Variants in ZDHHC11B observed in about 807,000 individuals in gnomAD.
The protein encoded by ZDHHC11B is zDHHC palmitoyltransferase 11B (putative).
Under a neutral mutation model 42.3 loss-of-function variants are expected in ZDHHC11B, and 17 were observed. The ratio of observed to expected loss-of-function variants is 0.40; its 90% confidence interval spans 0.27 to 0.60. ZDHHC11B has a LOEUF of 0.60. ZDHHC11B is among the 20% of genes least tolerant of loss of function. ZDHHC11B has a pLI of 0.41. For missense variants in ZDHHC11B, 262 were observed against 463.2 expected (o/e 0.57, Z 3.99); for synonymous variants, 123 against 193.5 (o/e 0.64, Z 3.02).
chr5:737,422 T>TA (rs376996664), intron 10 of ZDHHC11B, among the ~76,000 whole-genome samples: 3 of 149,462 alleles, frequency 2.0e-5, no homozygotes, highest in African/African-American at 7.4e-5. Context: ...TTACAAAAGA[T>TA]AAGAGGGAAT....
In ZDHHC11B at chr5:745,250, T is replaced by G. The variant is rs1412984585; in HGVS notation, c.833A>C (p.Glu278Ala). ...TFEYLINTRK[E>A]ESSKHQAVRK... ...CACTGCTTGATGTTTTGAACTCTCT[T>G]CTTTGCGGGTATTAATGAGATACTC... The change falls in exon 9 of 14, where the codon GAA (glutamate) becomes GCA (alanine). Residue 278 changes from glutamate (E) to alanine (A), a missense_variant. Glu to Ala is a moderately radical substitution (Grantham distance 107). Transcript: ENST00000508859. 1.1e-5 allele frequency: 17 copies of G among 1,609,170 alleles called. No homozygotes were observed. The highest frequency in any genetic ancestry group is 1.1e-5 in the Non-Finnish European group (13 of 1,178,040).
intron 1 of ZDHHC11B, among the ~76,000 whole-genome samples, chr5:774,908 G>A (rs1297434224): frequency 2.6e-5 from 4 of 151,974 alleles, no homozygotes; most frequent in Non-Finnish European, 5.9e-5. Context: ...GGGTGGCGCC[G>A]ACAGAGCCTA....
At chr5:758,990 A>C in intron 4 of ZDHHC11B, among the ~76,000 whole-genome samples, 1 of 151,878 alleles carries the variant, frequency 6.6e-6, no homozygotes, top group South Asian at 2.1e-4. Flanking sequence ...GAGCCCCGGG[A>C]TAGAGATGAC....
intron 4 of ZDHHC11B, among the ~76,000 whole-genome samples, chr5:765,617 A>C (rs1406072068): frequency 8.6e-5 from 13 of 151,964 alleles, no homozygotes; most frequent in Admixed American, 4.6e-4. Flanking sequence ...GTTCTCTTCC[A>C]CATTGTGGAA....
intron 4 of ZDHHC11B, among the ~76,000 whole-genome samples, chr5:763,523 A>T (rs1734897077): frequency 6.6e-6 from 1 of 151,820 alleles, no homozygotes; most frequent in Non-Finnish European, 1.5e-5. Context: ...TTGGGGAAAA[A>T]TCCAGCCAAG....
intron 4 of ZDHHC11B, among the ~76,000 whole-genome samples, chr5:766,449 C>A (rs1262406691): frequency 6.6e-6 from 1 of 151,906 alleles, no homozygotes; most frequent in Non-Finnish European, 1.5e-5. Flanking sequence ...AGTGGCTGCT[C>A]TGTCCACCCG....
At chr5:772,384 C>T (rs1213932622) in intron 1 of ZDHHC11B, among the ~76,000 whole-genome samples, 2 of 148,176 alleles carry the variant, frequency 1.3e-5, no homozygotes, top group African/African-American at 2.4e-5. Flanking sequence ...GTCAGACCAT[C>T]GCCGGATCTA....
rs193025929 is a variant in ZDHHC11B, at chr5:763,274, C to T, written c.222+3424G>A. ...GTCCCAGATACTCAGGAGGCTGGGA[C>T]GGGAGGATTGTTTGAACCCAGGAGG... On this transcript the variant is annotated intron_variant, in intron 4 of 13. Transcript: ENST00000508859. 3.9e-3 allele frequency among the ~76,000 whole-genome samples: 580 copies of T among 149,852 alleles called. 5 individuals are homozygous for T. Among genetic ancestry groups the T allele is most frequent in the Middle Eastern group, 0.014 (4 of 294 alleles).
At chr5:758,991 T>C (rs1262621508) in intron 4 of ZDHHC11B, among the ~76,000 whole-genome samples, 2 of 152,004 alleles carry the variant, frequency 1.3e-5, no homozygotes, top group South Asian at 2.1e-4. Context: ...AGCCCCGGGA[T>C]AGAGATGACA....
rs376324489 is a variant in ZDHHC11B, at chr5:745,209, C to T, written c.874G>A (p.Val292Met). ...TGGAGAAATCCTTTGTCCATTTGCA[C>T]GTATGGATCTTTCCTCACTGCTTGA... The part of the protein sequence containing the change: ...KHQAVRKDPY[V>M]QMDKGFLQQG... Residue 292 changes from valine (V) to methionine (M), a missense_variant, in exon 9 of 14, where the codon GTG becomes ATG. By Grantham distance (21) the Val-to-Met change is conservative. Coordinates refer to ENST00000508859, the MANE Select transcript of ZDHHC11B (RefSeq NM_001351303.2). The T allele has an allele frequency of 7.3e-5, 117 of 1,596,724 alleles. 1 individual carries two copies. In the East Asian group the frequency reaches 1.7e-3, roughly 23 times the overall value.
chr5:777,553 G>A (rs6896295), intron 1 of ZDHHC11B, among the ~76,000 whole-genome samples: 5 of 151,606 alleles, frequency 3.3e-5, no homozygotes, highest in South Asian at 2.1e-4. Context: ...GTCAGGTTGC[G>A]GCAGGGCGTT....
chr5:729,430 G>A (rs1337882053), intron 12 of ZDHHC11B, among the ~76,000 whole-genome samples: 1 of 150,632 alleles, frequency 6.6e-6, no homozygotes, highest in African/African-American at 2.4e-5. Flanking sequence ...CTTCCCCTGT[G>A]GGGCCGGCTG....
chr5:772,541 C>T (rs1315801803), intron 1 of ZDHHC11B, among the ~76,000 whole-genome samples: 8 of 148,034 alleles, frequency 5.4e-5, no homozygotes, highest in South Asian at 4.2e-4. Context: ...ACACCCCCTG[C>T]GGAGGTGCTT....
chr5:718,967 G>A (rs1579237471), intron 12 of ZDHHC11B, among the ~76,000 whole-genome samples: 1 of 151,828 alleles, frequency 6.6e-6, no homozygotes, highest in East Asian at 1.9e-4. Flanking sequence ...CTTGGCAGCA[G>A]TGGCTTCCTC....
rs1449043886 is a variant in ZDHHC11B, at chr5:714,460, G to A, written c.*8-2178C>T. ...CACAACTCTAAGACGTTATCACAGC[G>A]AACATTTGCTGTTTAAAACCTTAGT... On this transcript the variant is annotated intron_variant, in intron 13 of 13. Coordinates refer to ENST00000508859, the MANE Select transcript of ZDHHC11B (RefSeq NM_001351303.2). 5.6e-3 allele frequency among the ~76,000 whole-genome samples: 753 copies of A among 134,256 alleles called. 2 individuals carry two copies. Among genetic ancestry groups the A allele is most frequent in the African/African-American group, 0.01 (322 of 30,932 alleles). The allele number at this position is 134,256 out of a possible 152,430, so 88.1% of individuals were successfully genotyped here. A position where few individuals can be genotyped will look rare whatever the true frequency, so the allele number is the denominator to read the frequency against.
In ZDHHC11B at chr5:766,767, G is replaced by C. The variant is rs762369299; in HGVS notation, c.153C>G (p.Gly51=). Residue 51 remains glycine (G), a synonymous_variant, in exon 4 of 14, where the codon GGC becomes GGG. Coordinates refer to ENST00000508859, the MANE Select transcript of ZDHHC11B (RefSeq NM_001351303.2). The part of the protein sequence containing the change: ...FRVVTWAVFV[G]LSLATFRIFI... ...AGATCCTGAAGGTGGCCAAGGAAAG[G>C]CCAACGAAGACAGCCCAAGTCACCA... is the stretch of plus-strand genomic sequence containing the variant. The C allele has an allele frequency of 2.5e-6, 4 of 1,612,506 alleles. No individual in the cohort carries two copies. The highest frequency in any genetic ancestry group is 2.2e-5 in the South Asian group (2 of 90,900).
intron 12 of ZDHHC11B, among the ~76,000 whole-genome samples, chr5:721,588 A>C (rs1349414542): frequency 6.6e-6 from 1 of 151,462 alleles, no homozygotes; most frequent in Non-Finnish European, 1.5e-5. Context: ...GAGGTTAAGC[A>C]CAAGGGTGGT....
chr5:728,754 A>G (rs199680046), intron 12 of ZDHHC11B, among the ~76,000 whole-genome samples: 13,727 of 129,186 alleles, frequency 0.11, 10 homozygotes, highest in East Asian at 0.28. Flanking sequence ...AGACACAGTG[A>G]CTCATGTCTG....
intron 1 of ZDHHC11B, among the ~76,000 whole-genome samples, chr5:772,639 G>A (rs1296228770): frequency 1.3e-5 from 2 of 151,720 alleles, no homozygotes; most frequent in African/African-American, 4.8e-5. Flanking sequence ...GCCGTCACAC[G>A]GGAGTGAGTC....
Sources: gnomAD v4.1 joint callset for allele counts (sites outside exome capture counted in the v4.1 genomes callset) on GRCh38, gnomAD v4.1.1 for gene constraint, MANE v1.5 for transcripts, NCBI Gene and HGNC (gene_info 2026-07-23, HGNC 2026-07-21) for gene names.